The following SPIC variants were observed in gnomAD, a reference collection of about 807,000 sequenced individuals.
SPIC encodes the protein transcription factor Spi-C.
A neutral mutation model predicts 16.7 loss-of-function variants in SPIC; 9 were observed. That is an observed-to-expected ratio of 0.54 (90% CI 0.33 to 0.94). SPIC has a LOEUF of 0.94. Among genes scored for constraint, SPIC ranks in the 40% least tolerant of loss-of-function variants. SPIC has a pLI of 0.03. For missense variants in SPIC, 241 were observed against 285.8 expected (o/e 0.84, Z 1.13); for synonymous variants, 97 against 102.9 (o/e 0.94, Z 0.35).
Position 101,486,419 on chromosome 12 carries a change from G to A in SPIC, c.395G>A (p.Trp132Ter). 1 of 1,614,102 alleles carries A rather than the reference G, an allele frequency of 6.2e-7. No homozygotes were observed. The highest frequency in any genetic ancestry group is 8.5e-7 in the Non-Finnish European group (1 of 1,180,032). Reference sequence around the variant, plus strand: ...CCGGAGATGGCATCTTGTATTCAGTGGGTAGATAAAACCAAAGGCATCTTT... The same window carrying A: ...CCGGAGATGGCATCTTGTATTCAGTAGGTAGATAAAACCAAAGGCATCTTT... Reference protein sequence around the residue: ...YNPEMASCIQWVDKTKGIFQF... With the variant: ...YNPEMASCIQ Residue 132 changes from tryptophan (W) to a stop codon, truncating the protein, a stop_gained, in exon 6 of 6, where the codon TGG becomes TAG. Coordinates refer to ENST00000551346, the MANE Select transcript of SPIC (RefSeq NM_152323.3). LOFTEE classifies it low-confidence loss of function (END_TRUNC).
At chr12:101,475,735 T>G (rs10083016) in intron 1 of SPIC, among the ~76,000 whole-genome samples, 9,650 of 152,254 alleles carry the variant, frequency 0.063, 797 homozygotes, top group African/African-American at 0.19. Flanking sequence ...TTTTAAATAT[T>G]TAATTCAAAA....
intron 1 of SPIC, 68 bp from the exon 2 acceptor site, chr12:101,476,760 A>C: frequency 2.3e-6 from 1 of 437,514 alleles, no homozygotes; most frequent in Non-Finnish European, 4.0e-6. Flanking sequence ...ATTTTTGAGC[A>C]AGATCTTATT....
intron 3 of SPIC, 61 bp from the exon 4 acceptor site, chr12:101,479,521 T>C: frequency 7.5e-7 from 1 of 1,341,062 alleles, no homozygotes; most frequent in South Asian, 1.2e-5. Context: ...TATACACACA[T>C]ATTTATATGC....
At chr12:101,484,182 A>C (rs1434742472) in intron 5 of SPIC, among the ~76,000 whole-genome samples, 3 of 149,578 alleles carry the variant, frequency 2.0e-5, no homozygotes, top group Non-Finnish European at 4.5e-5. Context: ...AAGTATATGC[A>C]TATCCTTTGA....
intron 4 of SPIC, among the ~76,000 whole-genome samples, chr12:101,480,381 T>C (rs918213021): frequency 6.6e-6 from 1 of 152,182 alleles, no homozygotes; most frequent in African/African-American, 2.4e-5. Flanking sequence ...TTACCTACAG[T>C]CTTGTATTAG....
At chr12:101,480,869 C>T (rs1158143019) in intron 4 of SPIC, among the ~76,000 whole-genome samples, 1 of 152,178 alleles carries the variant, frequency 6.6e-6, no homozygotes, top group African/African-American at 2.4e-5. Context: ...TGCTTTGGTT[C>T]CAGCTTAACC....
At chr12:101,481,012 G>C (rs1873171602) in intron 4 of SPIC, among the ~76,000 whole-genome samples, 1 of 152,090 alleles carries the variant, frequency 6.6e-6, no homozygotes, top group Admixed American at 6.5e-5. Flanking sequence ...TCTTATCCCT[G>C]GGGACTCCTT....
At chr12:101,483,269 G>C (rs374947407) in intron 5 of SPIC, among the ~76,000 whole-genome samples, 1 of 151,886 alleles carries the variant, frequency 6.6e-6, no homozygotes, top group African/African-American at 2.4e-5. Context: ...TAAAAACAGA[G>C]ACACAAACAC....
chr12:101,485,652 A>G, intron 5 of SPIC, among the ~76,000 whole-genome samples: 1 of 152,212 alleles, frequency 6.6e-6, no homozygotes, highest in East Asian at 1.9e-4. Context: ...TACAAAGTGC[A>G]TTTACATCCC....
At chr12:101,477,786 G>A in intron 3 of SPIC, 135 bp downstream of exon 3, 2 of 723,486 alleles carry the variant, frequency 2.8e-6, no homozygotes, top group South Asian at 1.7e-5. Context: ...GGAGGCCAAG[G>A]TGGGCAGATC....
In SPIC at chr12:101,476,877, A is replaced by G; in HGVS notation, c.-28A>G. The G allele has an allele frequency of 7.1e-7, 1 of 1,402,684 alleles. No homozygotes were observed. Among genetic ancestry groups the G allele is most frequent in the Non-Finnish European group, 9.5e-7 (1 of 1,051,100 alleles). The allele number at this position is 1,402,684 out of a possible 1,614,324, so 86.9% of individuals were successfully genotyped here. ...TTTCTTCAAGCAACAATTGCTAAGGAACAGAATTGTCAATTTATTAATGAA... is the reference window on the plus strand; with the variant it reads ...TTTCTTCAAGCAACAATTGCTAAGGGACAGAATTGTCAATTTATTAATGAA... On this transcript the variant is annotated 5_prime_UTR_variant, in exon 2 of 6. Transcript: ENST00000551346.
intron 3 of SPIC, among the ~76,000 whole-genome samples, chr12:101,478,566 G>A (rs1873035891): frequency 6.6e-6 from 1 of 152,108 alleles, no homozygotes; most frequent in Non-Finnish European, 1.5e-5. Context: ...ATTCCACACA[G>A]AAATACAAAG....
At chr12:101,478,033 CTTTTTTT>C (rs71091502) in intron 3 of SPIC, among the ~76,000 whole-genome samples, 34 of 137,714 alleles carry the variant, frequency 2.5e-4, no homozygotes, top group African/African-American at 8.2e-4. Context: ...TTTCTTTTTT[CTTTTTTT>C]TTTTTTTTTG....
In SPIC at chr12:101,479,561, C is replaced by A. The variant is rs764122498; in HGVS notation, c.98-21C>A. ...ATACAAACTTTGACTTTTTTAGTTT[C>A]TTTCTCTGATTTAAAATTAGATTAC... On this transcript the variant is annotated intron_variant, in intron 3 of 5. Coordinates refer to ENST00000551346, the MANE Select transcript of SPIC (RefSeq NM_152323.3). 47 of 1,593,572 alleles carry A rather than the reference C, an allele frequency of 2.9e-5. No individual in the cohort carries two copies. In the South Asian group the frequency reaches 5.1e-4, roughly 17 times the overall value.
intron 5 of SPIC, 29 bp downstream of exon 5, chr12:101,482,929 G>A (rs150883612): frequency 5.1e-5 from 81 of 1,585,080 alleles, no homozygotes; most frequent in Non-Finnish European, 6.7e-5. Flanking sequence ...CGTTATACAG[G>A]TAAAAGAACC....
At chr12:101,479,547 G>T in intron 3 of SPIC, 35 bp from the exon 4 acceptor site, 2 of 1,547,614 alleles carry the variant, frequency 1.3e-6, no homozygotes, top group South Asian at 2.3e-5. Flanking sequence ...TACAAACTTT[G>T]ACTTTTTTAG....
Position 101,479,654 on chromosome 12 carries a change from T to C in SPIC, c.170T>C (p.Leu57Ser). 1 of 1,613,734 alleles carries C rather than the reference T, an allele frequency of 6.2e-7. No individual in the cohort carries two copies. The highest frequency in any genetic ancestry group is 1.1e-5 in the South Asian group (1 of 91,078). ...GGAAATTCCAGCTGCTATGGAGTGT[T>C]GCCTACAGAGGAGCCTGTCTATAAT... Reference protein sequence around the residue: ...VKGNSSCYGVLPTEEPVYNWR... With the variant: ...VKGNSSCYGVSPTEEPVYNWR... Residue 57 changes from leucine (L) to serine (S), a missense_variant, in exon 4 of 6, where the codon TTG becomes TCG. By Grantham distance (145) the Leu-to-Ser change is moderately radical. Transcript: ENST00000551346.
chr12:101,486,826 T>C lies in SPIC; in HGVS notation c.*55T>C. ...CATCGGAAATCTCTACAAGTTTTAATGATTTCTCCCTCCCTCTCTTTTTTT... is the reference window on the plus strand; with the variant it reads ...CATCGGAAATCTCTACAAGTTTTAACGATTTCTCCCTCCCTCTCTTTTTTT... On this transcript the variant is annotated 3_prime_UTR_variant, in exon 6 of 6. Coordinates refer to ENST00000551346, the MANE Select transcript of SPIC (RefSeq NM_152323.3). 1.4e-6 allele frequency: 2 copies of C among 1,388,916 alleles called. No homozygotes were observed. The highest frequency in any genetic ancestry group is 2.3e-5 in the East Asian group (1 of 42,958). 86.0% of individuals were successfully genotyped at this position (1,388,916 alleles called of 1,614,324 possible).
chr12:101,486,579 C>T lies in SPIC; in HGVS notation c.555C>T (p.Ile185=). The change falls in exon 6 of 6, where the codon ATC becomes ATT. Residue 185 remains isoleucine (I), a synonymous_variant. Transcript: ENST00000551346. ...NYGRSGEITK[I]RRKLTYQFSE... Reference sequence around the variant, plus strand: ...GAAGAAGTGGGGAAATTACCAAAATCCGGAGGAAGCTGACTTACCAGTTCA... The same window carrying T: ...GAAGAAGTGGGGAAATTACCAAAATTCGGAGGAAGCTGACTTACCAGTTCA... 6.2e-7 allele frequency: 1 copy of T among 1,614,128 alleles called. No homozygotes were observed. Among genetic ancestry groups the T allele is most frequent in the Non-Finnish European group, 8.5e-7 (1 of 1,180,006 alleles).
Sources: allele counts gnomAD v4.1 joint callset (sites outside exome capture counted in the v4.1 genomes callset), GRCh38; gene constraint gnomAD v4.1.1; transcripts MANE v1.5; gene names NCBI Gene and HGNC (gene_info 2026-07-23, HGNC 2026-07-21).